Variants in HDGFL3 observed in about 807,000 individuals in gnomAD.
HDGFL3 encodes HDGF like 3.
A neutral mutation model predicts 27.6 loss-of-function variants in HDGFL3; 6 were observed. The observed-to-expected ratio is 0.22, with a 90% CI of 0.12 to 0.43. The LOEUF is 0.43. Among genes scored for constraint, HDGFL3 ranks in the 20% least tolerant of loss-of-function variants. The pLI, the probability that HDGFL3 is intolerant of heterozygous loss-of-function variation, is 1.00. For missense variants in HDGFL3, 207 were observed against 250.1 expected, an observed-to-expected ratio of 0.83 and a Z score of 1.16; for synonymous variants, 88 against 88.9, an observed-to-expected ratio of 0.99 and a Z score of 0.05.
downstream of HDGFL3, chr15:83,124,696 G>A: frequency 6.2e-7 from 1 of 1,614,050 alleles, no homozygotes; most frequent in African/African-American, 1.3e-5. Flanking sequence ...CCAAGCGAAA[G>A]ACCTGCTGAG....
downstream of HDGFL3, chr15:83,127,382 G>A (rs2035864396): frequency 1.2e-6 from 2 of 1,613,688 alleles, no homozygotes; most frequent in Admixed American, 1.7e-5. Flanking sequence ...GTTCTATTCT[G>A]TTCCTTACTT....
intron 5 of HDGFL3, among the ~76,000 whole-genome samples, chr15:83,148,596 T>C (rs889539873): frequency 6.6e-6 from 1 of 151,396 alleles, no homozygotes; most frequent in African/African-American, 2.4e-5. Context: ...TACTCCAGCC[T>C]GGGCGACAGA....
chr15:83,195,598 TA>T (rs745958412), intron 1 of HDGFL3, among the ~76,000 whole-genome samples: 1 of 152,068 alleles, frequency 6.6e-6, no homozygotes, highest in Non-Finnish European at 1.5e-5. Context: ...AGATACTCAA[TA>T]AACACCTAAT....
At chr15:83,154,433 C>A (rs759836988) in intron 4 of HDGFL3, among the ~76,000 whole-genome samples, 1 of 151,986 alleles carries the variant, frequency 6.6e-6, no homozygotes, top group Non-Finnish European at 1.5e-5. Flanking sequence ...GCTAGGCAAG[C>A]GGTTCTCTAA....
intron 1 of HDGFL3, among the ~76,000 whole-genome samples, chr15:83,204,882 T>A (rs938206496): frequency 6.6e-6 from 1 of 152,204 alleles, no homozygotes; most frequent in Non-Finnish European, 1.5e-5. Context: ...CCTCTTGACC[T>A]ACATTCCTCA....
intron 1 of HDGFL3, among the ~76,000 whole-genome samples, chr15:83,201,642 C>G (rs760084707): frequency 2.0e-5 from 3 of 152,066 alleles, no homozygotes. Context: ...CCAAAAGAAT[C>G]AAATACAATC....
chr15:83,116,307 A>C (rs1360329159), intron 3 of HDGFL3, among the ~76,000 whole-genome samples: 3 of 152,186 alleles, frequency 2.0e-5, no homozygotes, highest in Non-Finnish European at 4.4e-5. Flanking sequence ...TAAATTTGTA[A>C]AGTACCCAAC....
chr15:83,200,297 T>C (rs1337321964), intron 1 of HDGFL3, among the ~76,000 whole-genome samples: 1 of 150,726 alleles, frequency 6.6e-6, no homozygotes, highest in African/African-American at 2.4e-5. Flanking sequence ...ATCCCGCCAC[T>C]GCACTCCAGC....
intron 3 of HDGFL3, among the ~76,000 whole-genome samples, chr15:83,120,417 T>C (rs914971662): frequency 6.6e-6 from 1 of 152,134 alleles, no homozygotes; most frequent in Non-Finnish European, 1.5e-5. Context: ...GGTACACCCT[T>C]TGGGGAGGGG....
At position 83,131,338 on chromosome 15, in the gene HDGFL3, T is replaced by C. The variant is rs780156311; in HGVS notation, c.*7932A>G. Reference sequence around the variant, plus strand: ...GATCAGTATAGGCCAATGGAAGAAATATTGAGTAGTGGCCAGGCGCAGTGG... The same window carrying C: ...GATCAGTATAGGCCAATGGAAGAAACATTGAGTAGTGGCCAGGCGCAGTGG... On this transcript the variant is annotated 3_prime_UTR_variant, in exon 6 of 6. Transcript: ENST00000299633. The C allele has an allele frequency of 2.0e-5, 3 of 151,472 alleles. No individual in the cohort carries two copies. Among genetic ancestry groups the C allele is most frequent in the Non-Finnish European group, 2.9e-5 (2 of 67,874 alleles). The allele number at this position is 151,472 out of a possible 1,614,324, so 9.4% of individuals were successfully genotyped here. A position where few individuals can be genotyped will look rare whatever the true frequency, so the allele number is the denominator to read the frequency against.
intron 1 of HDGFL3, among the ~76,000 whole-genome samples, chr15:83,193,485 G>A (rs568343916): frequency 6.6e-6 from 1 of 152,330 alleles, no homozygotes; most frequent in South Asian, 2.1e-4. Context: ...TGGTGAGAAT[G>A]TAAAATGGTG....
chr15:83,136,798 C>G lies in HDGFL3; in HGVS notation c.*2472G>C. 10 of 775,662 alleles carry G rather than the reference C, an allele frequency of 1.3e-5. No individual in the cohort carries two copies. Among genetic ancestry groups the G allele is most frequent in the South Asian group, 2.2e-5 (1 of 45,528 alleles). 48.0% of individuals were successfully genotyped at this position (775,662 alleles called of 1,614,324 possible). A position where few individuals can be genotyped will look rare whatever the true frequency, so the allele number is the denominator to read the frequency against. Reference sequence around the variant, plus strand: ...AGAATATGTACATTCTTGCTCTGCACTGTATGTGTGAGCTATATGGTATTG... The same window carrying G: ...AGAATATGTACATTCTTGCTCTGCAGTGTATGTGTGAGCTATATGGTATTG... On this transcript the variant is annotated 3_prime_UTR_variant, in exon 6 of 6. Coordinates refer to ENST00000299633, the MANE Select transcript of HDGFL3 (RefSeq NM_016073.4).
rs1378075056 is a variant in HDGFL3, at chr15:83,138,425, A to G, written c.*845T>C. 6.6e-6 allele frequency: 1 copy of G among 152,420 alleles called. No individual in the cohort carries two copies. The highest frequency in any genetic ancestry group is 2.4e-5 in the African/African-American group (1 of 41,470). The allele number at this position is 152,420 out of a possible 1,614,324, so 9.4% of individuals were successfully genotyped here. A position where few individuals can be genotyped will look rare whatever the true frequency, so the allele number is the denominator to read the frequency against. ...ACATAATAATGGTTTAAGGATGAAT[A>G]TTAACTATTCTAATTGTAGTTCCAA... On this transcript the variant is annotated 3_prime_UTR_variant, in exon 6 of 6. Transcript: ENST00000299633.
chr15:83,168,600 G>T (rs115228730), intron 1 of HDGFL3, among the ~76,000 whole-genome samples: 4 of 152,164 alleles, frequency 2.6e-5, no homozygotes, highest in Non-Finnish European at 4.4e-5. Flanking sequence ...ATTGAAACAC[G>T]GAACAGACCA....
intron 1 of HDGFL3, among the ~76,000 whole-genome samples, chr15:83,204,394 C>T (rs1444752306): frequency 6.6e-6 from 1 of 151,882 alleles, no homozygotes. Context: ...ATGCATGTGT[C>T]TAGGAGTAAA....
At chr15:83,148,293 C>T (rs1417922200) in intron 5 of HDGFL3, among the ~76,000 whole-genome samples, 1 of 152,122 alleles carries the variant, frequency 6.6e-6, no homozygotes, top group Non-Finnish European at 1.5e-5. Flanking sequence ...AGGAGACAGG[C>T]ATGAGAATGC....
chr15:83,151,267 G>A lies in HDGFL3; in HGVS notation c.554C>T (p.Ala185Val), dbSNP rs1446324632. 9 of 1,613,130 alleles carry A rather than the reference G, an allele frequency of 5.6e-6. No homozygotes were observed. The highest frequency in any genetic ancestry group is 1.8e-4 in the Middle Eastern group (1 of 5,682). The change falls in exon 5 of 6, where the codon GCG (alanine) becomes GTG (valine). Residue 185 changes from alanine to valine, a missense_variant. Ala to Val is a moderately conservative substitution (Grantham distance 64). Transcript: ENST00000299633. The part of the protein sequence containing the change: ...ENKSSSEGGD[A>V]GNDTRNTTSD... ...AGTTGTGTTTCTTGTGTCGTTGCCCGCATCTCCACCCTCAGAGCTGCTTTT... is the reference window on the plus strand; with the variant it reads ...AGTTGTGTTTCTTGTGTCGTTGCCCACATCTCCACCCTCAGAGCTGCTTTT...
chr15:83,179,797 A>C (rs1259388549), intron 1 of HDGFL3: 1 of 152,240 alleles, frequency 6.6e-6, no homozygotes, highest in Non-Finnish European at 1.5e-5. Context: ...CATGAGGGGA[A>C]GACTTGTTCA....
Position 83,139,163 on chromosome 15 carries a change from T to C in HDGFL3, c.*107A>G, listed in dbSNP as rs1403804635. ...TACATACAAACTGGGGTTCTGTCAA[T>C]GACAACAAGGACTATGTGTTGGTTC... On this transcript the variant is annotated 3_prime_UTR_variant, in exon 6 of 6. Coordinates refer to ENST00000299633, the MANE Select transcript of HDGFL3 (RefSeq NM_016073.4). 4 of 652,186 alleles carry C rather than the reference T, an allele frequency of 6.1e-6. No individual in the cohort carries two copies. The highest frequency in any genetic ancestry group is 9.5e-6 in the Non-Finnish European group (4 of 421,950). 40.4% of individuals were successfully genotyped at this position (652,186 alleles called of 1,614,324 possible). A position where few individuals can be genotyped will look rare whatever the true frequency, so the allele number is the denominator to read the frequency against.
Sources: allele counts gnomAD v4.1 joint callset (sites outside exome capture counted in the v4.1 genomes callset), GRCh38; gene constraint gnomAD v4.1.1; transcripts MANE v1.5; gene names NCBI Gene and HGNC (gene_info 2026-07-23, HGNC 2026-07-21).